ANXA8: variants seen among roughly 807,000 people sequenced by gnomAD.
The protein encoded by ANXA8 is VAC-beta.
ANXA8 carries 9 observed loss-of-function variants against 26.8 expected under a neutral mutation model. The ratio of observed to expected loss-of-function variants is 0.34; its 90% confidence interval spans 0.20 to 0.59. The LOEUF is 0.59. Among genes scored for constraint, ANXA8 ranks in the 20% least tolerant of loss-of-function variants. The pLI is 0.84. For missense variants in ANXA8, 83 were observed against 238.5 expected, an observed-to-expected ratio of 0.35 and a Z score of 4.29; for synonymous variants, 39 against 94.8, an observed-to-expected ratio of 0.41 and a Z score of 3.42.
chr10:47,536,541 C>G, the ANXA8 span, among the ~76,000 whole-genome samples: 1 of 124,666 alleles, frequency 8.0e-6, no homozygotes. Flanking sequence ...CAGCAATGGA[C>G]TAGTAATATA....
At chr10:47,525,621 T>A in the ANXA8 span, among the ~76,000 whole-genome samples, 9 of 136,966 alleles carry the variant, frequency 6.6e-5, 2 homozygotes, top group African/African-American at 2.5e-4. Flanking sequence ...CAAGCTTGGA[T>A]GGGAAATGAC....
chr10:47,664,246 C>T, the ANXA8 span, among the ~76,000 whole-genome samples: 28 of 152,026 alleles, frequency 1.8e-4, 1 homozygote, highest in African/African-American at 5.1e-4. Context: ...GGCGTGGTGG[C>T]GGGTGCCTGT....
At chr10:47,973,907 G>T in the ANXA8 span, among the ~76,000 whole-genome samples, 1 of 151,060 alleles carries the variant, frequency 6.6e-6, no homozygotes, top group South Asian at 2.1e-4. Context: ...GCTTTTTGTT[G>T]TTGTCGTTGG....
At chr10:47,581,485 T>G in the ANXA8 span, 9 of 555,406 alleles carry the variant, frequency 1.6e-5, no homozygotes, top group South Asian at 1.1e-4. Flanking sequence ...TTCATGGCCA[T>G]TGTGAAGCTG....
the ANXA8 span, among the ~76,000 whole-genome samples, chr10:47,945,212 C>T: frequency 2.0e-5 from 3 of 149,864 alleles, no homozygotes; most frequent in East Asian, 2.2e-4. Context: ...GACTGTTGTC[C>T]ACTTCCTCAG....
At chr10:47,733,195 T>TTCTTTCTCTCTCTCTCTCTCTCTCTC in the ANXA8 span, among the ~76,000 whole-genome samples, 2 of 111,386 alleles carry the variant, frequency 1.8e-5, no homozygotes, top group African/African-American at 6.7e-5. Flanking sequence ...CTTTCTTTCT[T>TTCTTTCTCTCTCTCTCTCTCTCTCTC]TCTTTCTTTC....
the ANXA8 span, among the ~76,000 whole-genome samples, chr10:47,659,350 A>G: frequency 1.3e-5 from 2 of 151,774 alleles, no homozygotes; most frequent in African/African-American, 4.9e-5. Flanking sequence ...ATGTTTGCCA[A>G]GTAAACTGAA....
At chr10:47,896,928 A>T in the ANXA8 span, among the ~76,000 whole-genome samples, 1 of 150,650 alleles carries the variant, frequency 6.6e-6, no homozygotes, top group African/African-American at 2.5e-5. Flanking sequence ...TTATTTATTT[A>T]TTTATTTATT....
In ANXA8 at chr10:47,484,076, A is replaced by T; in HGVS notation, c.-143T>A. ...GTGGGGGTGCAAGCCCGCCCAGGGC[A>T]GCGCCACACCTGCCTGCCGTCCCCT... On this transcript the variant is annotated 5_prime_UTR_variant, in exon 1 of 12. Coordinates refer to ENST00000585281, the MANE Select transcript of ANXA8 (RefSeq NM_001040084.3). 9.4e-6 allele frequency: 15 copies of T among 1,603,906 alleles called. No homozygotes were observed. The South Asian group carries it at 1.5e-4, about 17-fold the overall frequency.
chr10:47,639,292 C>A, the ANXA8 span, among the ~76,000 whole-genome samples: 1 of 137,762 alleles, frequency 7.3e-6, no homozygotes, highest in Non-Finnish European at 1.5e-5. Flanking sequence ...GCTACCACGC[C>A]CGGCTAATTA....
At chr10:47,572,732 TA>T in the ANXA8 span, among the ~76,000 whole-genome samples, 21 of 129,076 alleles carry the variant, frequency 1.6e-4, no homozygotes, top group East Asian at 6.4e-4. Context: ...ATATAAAAAT[TA>T]AAAAAAAAAG....
upstream of ANXA8, among the ~76,000 whole-genome samples, chr10:47,486,115 A>G (rs1172137387): frequency 2.6e-5 from 4 of 151,596 alleles, no homozygotes; most frequent in African/African-American, 9.7e-5. Context: ...CTTTAAAAAA[A>G]AAAAAAATCA....
At chr10:47,706,684 G>A in the ANXA8 span, 4 of 1,359,674 alleles carry the variant, frequency 2.9e-6, 1 homozygote, top group Non-Finnish European at 4.1e-6. Flanking sequence ...GATGTTTTTC[G>A]AAGGATGATT....
At chr10:47,524,598 A>C in the ANXA8 span, among the ~76,000 whole-genome samples, 1 of 3,944 alleles carries the variant, frequency 2.5e-4, no homozygotes, top group Middle Eastern at 0.031. Flanking sequence ...TTCTCATACA[A>C]AATCGAGAGC....
chr10:47,650,493 A>G, the ANXA8 span, among the ~76,000 whole-genome samples: 10 of 152,006 alleles, frequency 6.6e-5, no homozygotes, highest in South Asian at 2.1e-3. Context: ...TCCATAAGAA[A>G]AAAGCAAATA....
At chr10:47,567,728 TTA>T in the ANXA8 span, among the ~76,000 whole-genome samples, 1 of 144,962 alleles carries the variant, frequency 6.9e-6, no homozygotes, top group African/African-American at 2.6e-5. Flanking sequence ...TTATTATGTT[TTA>T]TATATATATA....
chr10:47,722,689 G>A, the ANXA8 span, among the ~76,000 whole-genome samples: 2 of 141,588 alleles, frequency 1.4e-5, 1 homozygote, highest in Non-Finnish European at 3.1e-5. Flanking sequence ...AGAGTTCCAG[G>A]TGGAAGCCAG....
At chr10:47,775,423 G>C in the ANXA8 span, among the ~76,000 whole-genome samples, 3 of 149,608 alleles carry the variant, frequency 2.0e-5, no homozygotes, top group Non-Finnish European at 4.4e-5. Context: ...CAGTTAACTT[G>C]GCACTGTCCT....
chr10:47,684,518 T>C, the ANXA8 span, among the ~76,000 whole-genome samples: 3 of 151,910 alleles, frequency 2.0e-5, no homozygotes, highest in African/African-American at 7.3e-5. Context: ...TGGGGCTGCA[T>C]GTGGTCCAGG....
Sources: gnomAD v4.1 joint callset for allele counts (sites outside exome capture counted in the v4.1 genomes callset) on GRCh38, gnomAD v4.1.1 for gene constraint, MANE v1.5 for transcripts, NCBI Gene and HGNC (gene_info 2026-07-23, HGNC 2026-07-21) for gene names.